FRAS1: variants seen among roughly 807,000 people sequenced by gnomAD.
The protein encoded by FRAS1 is Fraser extracellular matrix complex subunit 1.
FRAS1 carries 290 observed loss-of-function variants against 435.2 expected under a neutral mutation model. That is an observed-to-expected ratio of 0.67 (90% CI 0.61 to 0.73). The LOEUF (loss-of-function observed/expected upper bound fraction) is 0.73. Ranked by LOEUF, FRAS1 falls within the 30% of genes least tolerant of loss-of-function variation. The probability of loss-of-function intolerance (pLI) is 0.00; values close to 1 mark genes in which losing one functional copy is unlikely to be tolerated. For missense variants in FRAS1, 4,860 were observed against 5,001.5 expected, an observed-to-expected ratio of 0.97 and a Z score of 0.85; for synonymous variants, 1,800 against 1,851.0, an observed-to-expected ratio of 0.97 and a Z score of 0.71.
intron 29 of FRAS1, among the ~76,000 whole-genome samples, chr4:78,396,278 C>T (rs1023198796): frequency 6.6e-6 from 1 of 152,148 alleles, no homozygotes; most frequent in Non-Finnish European, 1.5e-5. Context: ...TACATATCAC[C>T]ATTACAGTGT....
At position 78,318,876 on chromosome 4, in the gene FRAS1, C is replaced by G; in HGVS notation, c.2027C>G (p.Pro676Arg). 6.2e-7 allele frequency: 1 copy of G among 1,613,952 alleles called. No individual in the cohort carries two copies. The highest frequency in any genetic ancestry group is 8.5e-7 in the Non-Finnish European group (1 of 1,179,862). The change falls in exon 18 of 74, where the codon CCA becomes CGA. Residue 676 changes from proline to arginine, a missense_variant. Physicochemically the swap from Pro to Arg is moderately radical, Grantham distance 103. Coordinates refer to ENST00000512123, the MANE Select transcript of FRAS1 (RefSeq NM_025074.7). ...TCTCACTGTACTGGGTGTAAGAAGC[C>G]AGAGGAAGGACTGCAAGTGGAGCAG... is the stretch of plus-strand genomic sequence containing the variant. ...APSHCTGCKK[P>R]EEGLQVEQLS...
chr4:78,511,875 T>C (rs564097856), intron 64 of FRAS1, among the ~76,000 whole-genome samples: 1 of 152,290 alleles, frequency 6.6e-6, no homozygotes, highest in African/African-American at 2.4e-5. Context: ...GCATCTCTTC[T>C]AGGGACATTT....
rs1280660740 is a variant in FRAS1 at position 78,479,552 on chromosome 4, T to C, written c.8277T>C (p.Asp2759=). The C allele has an allele frequency of 1.2e-6, 2 of 1,613,882 alleles. No individual in the cohort carries two copies. Among genetic ancestry groups the C allele is most frequent in the Non-Finnish European group, 1.7e-6 (2 of 1,179,854 alleles). The part of the protein sequence containing the change: ...TMSTCDVMLI[D]DSEYEEEEEF... ...CCACCTGTGATGTCATGCTTATTGA[T>C]GACAGCGAGTATGAAGAGGAAGAAG... is the stretch of plus-strand genomic sequence containing the variant. The change falls in exon 56 of 74, where the codon GAT becomes GAC. Residue 2759 remains aspartate, a synonymous_variant. Transcript: ENST00000512123.
rs1295791242 is a variant in FRAS1, at chr4:78,529,444, C to T, written c.10925+2787C>T. Among the ~76,000 whole-genome samples the T allele has an allele frequency of 2.0e-5, 3 of 152,216 alleles. No individual in the cohort carries two copies. In the East Asian group the frequency reaches 5.8e-4, roughly 29 times the overall value. ...GAACATTACCAGTACTCCTTCAATA[C>T]CCTCAGTGCCCCTCTCCAATCATAC... On this transcript the variant is annotated intron_variant, in intron 70 of 73. Transcript: ENST00000512123.
chr4:78,209,323 T>C (rs1237164505), intron 2 of FRAS1, among the ~76,000 whole-genome samples: 2 of 152,204 alleles, frequency 1.3e-5, no homozygotes, highest in African/African-American at 2.4e-5. Context: ...GGAGGTTGCA[T>C]GCACTGGTGG....
intron 55 of FRAS1, 27 bp from the exon 56 acceptor site, chr4:78,479,347 T>C (rs1719941294): frequency 7.0e-7 from 1 of 1,424,990 alleles, no homozygotes; most frequent in Non-Finnish European, 9.3e-7. Context: ...ATTCAAATGC[T>C]TTGGTTTTTT....
chr4:78,406,319 A>T (rs1733091964), intron 30 of FRAS1, among the ~76,000 whole-genome samples: 1 of 152,220 alleles, frequency 6.6e-6, no homozygotes, highest in Non-Finnish European at 1.5e-5. Flanking sequence ...GAAGTGTATT[A>T]GTCTGTTTTC....
At chr4:78,284,121 A>G (rs1727460663) in intron 12 of FRAS1, among the ~76,000 whole-genome samples, 1 of 151,634 alleles carries the variant, frequency 6.6e-6, no homozygotes, top group Non-Finnish European at 1.5e-5. Context: ...TTCTTGAAGT[A>G]TTCCAGCAGG....
At chr4:78,406,151 A>G (rs1733086460) in intron 30 of FRAS1, among the ~76,000 whole-genome samples, 1 of 152,246 alleles carries the variant, frequency 6.6e-6, no homozygotes, top group African/African-American at 2.4e-5. Flanking sequence ...GATTGGTAAC[A>G]GAGCTTCATG....
intron 23 of FRAS1, among the ~76,000 whole-genome samples, chr4:78,371,367 G>A (rs79797348): frequency 0.034 from 5,209 of 152,200 alleles, 308 homozygotes; most frequent in African/African-American, 0.12. Context: ...ACTAATGAGA[G>A]GTTTCTCCAG....
chr4:78,064,128 A>G (rs889951451), intron 1 of FRAS1, among the ~76,000 whole-genome samples: 3 of 151,624 alleles, frequency 2.0e-5, no homozygotes, highest in Non-Finnish European at 2.9e-5. Flanking sequence ...TCTTAAGGAA[A>G]AAGTAGTCAA....
At chr4:78,260,617 G>A (rs987709527) in intron 6 of FRAS1, among the ~76,000 whole-genome samples, 1 of 151,902 alleles carries the variant, frequency 6.6e-6, no homozygotes. Context: ...AGACAATGGG[G>A]TTTTCTAGAT....
In FRAS1 at chr4:78,508,900, C is replaced by A; in HGVS notation, c.9674C>A (p.Ser3225Tyr). 1 of 1,613,970 alleles carries A rather than the reference C, an allele frequency of 6.2e-7. No homozygotes were observed. Among genetic ancestry groups the A allele is most frequent in the Non-Finnish European group, 8.5e-7 (1 of 1,179,890 alleles). The change falls in exon 63 of 74, where the codon TCT becomes TAT. Residue 3225 changes from serine to tyrosine, a missense_variant. By Grantham distance (144) the Ser-to-Tyr change is moderately radical (BLOSUM62 -2). Coordinates refer to ENST00000512123, the MANE Select transcript of FRAS1 (RefSeq NM_025074.7). ...RCSEAGINQT[S>Y]VQFSWEVAAP... Reference sequence around the variant, plus strand: ...AGTGAGGCCGGCATCAACCAGACATCTGTGCAGTTCAGCTGGGAAGTGGCT... The same window carrying A: ...AGTGAGGCCGGCATCAACCAGACATATGTGCAGTTCAGCTGGGAAGTGGCT...
chr4:78,362,140 A>G (rs1415392125), intron 20 of FRAS1, among the ~76,000 whole-genome samples: 7 of 152,186 alleles, frequency 4.6e-5, no homozygotes, highest in African/African-American at 1.7e-4. Flanking sequence ...ACTGTGCACT[A>G]TGTATTGGGT....
chr4:78,521,457 A>G, intron 67 of FRAS1, 66 bp from the exon 68 acceptor site: 1 of 1,004,962 alleles, frequency 1.0e-6, no homozygotes, highest in South Asian at 1.4e-5. Context: ...GGGATAACTT[A>G]TATGTGGTTG....
chr4:78,493,647 G>A (rs1202936682), intron 59 of FRAS1, among the ~76,000 whole-genome samples: 1 of 152,086 alleles, frequency 6.6e-6, no homozygotes, highest in African/African-American at 2.4e-5. Flanking sequence ...ACACACCGGG[G>A]CCTGTCTGGG....
At chr4:78,136,102 T>C (rs1024826332) in intron 2 of FRAS1, among the ~76,000 whole-genome samples, 29 of 152,302 alleles carry the variant, frequency 1.9e-4, no homozygotes, top group African/African-American at 6.3e-4. Context: ...ATCTAACACA[T>C]GTGTTTTTTC....
chr4:78,307,721 T>C (rs1158004765), intron 14 of FRAS1, among the ~76,000 whole-genome samples: 2 of 152,360 alleles, frequency 1.3e-5, no homozygotes, highest in East Asian at 1.9e-4. Flanking sequence ...GGCTGGCGCA[T>C]GGTGCATGCA....
At chr4:78,232,487 GTGTTAGCCAGTATGGTTTCAA>G (rs1724558727) in intron 2 of FRAS1, among the ~76,000 whole-genome samples, 3 of 151,952 alleles carry the variant, frequency 2.0e-5, no homozygotes, top group Admixed American at 2.0e-4. Context: ...GGGTTTCACC[GTGTTAGCCAGTATGGTTTCAA>G]TCTCCTGACC....
Sources: gnomAD v4.1 joint callset for allele counts (sites outside exome capture counted in the v4.1 genomes callset) on GRCh38, gnomAD v4.1.1 for gene constraint, MANE v1.5 for transcripts, NCBI Gene and HGNC (gene_info 2026-07-23, HGNC 2026-07-21) for gene names.